Variants in UBAP2L observed in about 807,000 individuals in gnomAD.
UBAP2L encodes ubiquitin associated protein 2 like.
A neutral mutation model predicts 130.6 loss-of-function variants in UBAP2L; 12 were observed. The observed-to-expected ratio is 0.09, with a 90% CI of 0.06 to 0.15. The LOEUF (loss-of-function observed/expected upper bound fraction) is 0.15. Among genes scored for constraint, UBAP2L ranks in the 10% least tolerant of loss-of-function variants. The probability of loss-of-function intolerance (pLI) is 1.00; values close to 1 mark genes in which losing one functional copy is unlikely to be tolerated. For synonymous variants in UBAP2L, 503 were observed against 524.7 expected (o/e 0.96, Z 0.57); for missense variants, 965 against 1,332.5 (o/e 0.72, Z 4.29).
Position 154,257,092 on chromosome 1 carries a change from C to T in UBAP2L, c.2187C>T (p.Leu729=). The T allele has an allele frequency of 6.2e-7, 1 of 1,614,054 alleles. No individual in the cohort carries two copies. Among genetic ancestry groups the T allele is most frequent in the Non-Finnish European group, 8.5e-7 (1 of 1,180,036 alleles). Residue 729 remains leucine, a synonymous_variant, in exon 19 of 27, where the codon CTC becomes CTT. Transcript: ENST00000428931. The stretch of plus-strand genomic sequence containing the variant: ...CAAGTGTGGAGAGTGAGGCGAATCT[C>T]CATTCTTCCTCCAGCACTTTTTCCA... ...LHTSVESEAN[L]HSSSSTFSTT...
In UBAP2L at chr1:154,257,379, C is replaced by T; in HGVS notation, c.2387C>T (p.Pro796Leu). The change falls in exon 20 of 27, where the codon CCG (proline) becomes CTG (leucine). Residue 796 changes from proline to leucine, a missense_variant. Around this residue, in one of 9 missense-constraint regions of UBAP2L, gnomAD observed 393 missense variants for 408.1 expected, o/e 0.96. Transcript: ENST00000428931. The stretch of plus-strand genomic sequence containing the variant: ...CCTCCCAACCTCCCTCCTGGGGTCC[C>T]GCCGTTGTTGCCTAATCCGTATATT... The part of the protein sequence containing the change: ...KAPPNLPPGV[P>L]PLLPNPYIMA... 4 of 1,613,540 alleles carry T rather than the reference C, an allele frequency of 2.5e-6. No individual in the cohort carries two copies. Among genetic ancestry groups the T allele is most frequent in the Non-Finnish European group, 3.4e-6 (4 of 1,180,036 alleles).
At chr1:154,241,948 C>G (rs1013359639) in intron 9 of UBAP2L, among the ~76,000 whole-genome samples, 3 of 152,126 alleles carry the variant, frequency 2.0e-5, no homozygotes, top group Non-Finnish European at 4.4e-5. Context: ...GCTATAAGGT[C>G]CTGTAATGGA....
Position 154,246,128 on chromosome 1 carries a change from C to T in UBAP2L, c.843-76C>T, listed in dbSNP as rs538891441. ...CCCCAGCAAGTGGCTTCATTTTGAT[C>T]TAATCTGATTTGAGTGTTGGGGAAT... On this transcript the variant is annotated intron_variant, in intron 10 of 26. Coordinates refer to ENST00000428931, the MANE Select transcript of UBAP2L (RefSeq NM_014847.4). The T allele has an allele frequency of 3.4e-6, 5 of 1,485,902 alleles. No individual in the cohort carries two copies. The South Asian group carries it at 6.7e-5, about 20-fold the overall frequency. The allele number at this position is 1,485,902 out of a possible 1,614,324, so 92.0% of individuals were successfully genotyped here.
chr1:154,250,847 C>CAAAA (rs1023678670), intron 12 of UBAP2L, among the ~76,000 whole-genome samples, 194 bp from the exon 13 acceptor site: 1 of 48,954 alleles, frequency 2.0e-5, no homozygotes, highest in African/African-American at 7.0e-5. Context: ...ACTCCCATCT[C>CAAAA]AAAAAAAAAA....
intron 22 of UBAP2L, among the ~76,000 whole-genome samples, chr1:154,260,418 T>C (rs1218866330): frequency 6.6e-6 from 1 of 152,248 alleles, no homozygotes; most frequent in Non-Finnish European, 1.5e-5. Flanking sequence ...TGAGGTGGTC[T>C]TCTCTGCTCA....
Position 154,233,651 on chromosome 1 carries a change from C to CTGTGTGTGTG in UBAP2L, c.280-922_280-913dup, listed in dbSNP as rs61695071. 5.5e-4 allele frequency among the ~76,000 whole-genome samples: 81 copies of CTGTGTGTGTG among 146,174 alleles called. 2 individuals are homozygous for CTGTGTGTGTG. The highest frequency in any genetic ancestry group is 3.5e-3 in the Middle Eastern group (1 of 288). ...CAGCCTGATCTTTTAAATGAAATTGCTGTGTGTGTGTGTGTGTGTGTGTGT... is the reference window on the plus strand; with the variant it reads ...CAGCCTGATCTTTTAAATGAAATTGCTGTGTGTGTGTGTGTGTGTGTGTGTGTGTGTGTGT... On this transcript the variant is annotated intron_variant, in intron 4 of 26. Transcript: ENST00000428931.
rs754309320 is a variant in UBAP2L, at chr1:154,257,085, C to T, written c.2180C>T (p.Ala727Val). Residue 727 changes from alanine to valine, a missense_variant, in exon 19 of 27, where the codon GCG becomes GTG. Around this residue, in one of 9 missense-constraint regions of UBAP2L, gnomAD observed 393 missense variants for 408.1 expected, o/e 0.96. Transcript: ENST00000428931. ...TLLHTSVESE[A>V]NLHSSSSTFS... ...AAGCACACAAGTGTGGAGAGTGAGG[C>T]GAATCTCCATTCTTCCTCCAGCACT... is the stretch of plus-strand genomic sequence containing the variant. The T allele has an allele frequency of 2.4e-5, 39 of 1,613,652 alleles. No individual in the cohort carries two copies. Among genetic ancestry groups the T allele is most frequent in the Non-Finnish European group, 3.1e-5 (36 of 1,179,978 alleles).
rs764648216 is a variant in UBAP2L at position 154,234,611 on chromosome 1, G to T, written c.300G>T (p.Gly100=). ...TATAGCATTCCTGGGAGATGGTCGG[G>T]AAGAAGAAGGGAGTCTCAGGCCAGA... ...NPDTHSWEMV[G]KKKGVSGQKD... The change falls in exon 5 of 27, where the codon GGG becomes GGT. Residue 100 remains glycine, a synonymous_variant. Transcript: ENST00000428931. 3 of 1,614,070 alleles carry T rather than the reference G, an allele frequency of 1.9e-6. No individual in the cohort carries two copies. The South Asian group carries it at 3.3e-5, about 18-fold the overall frequency.
downstream of UBAP2L, chr1:154,271,240 A>G (rs1684668148): frequency 6.3e-6 from 2 of 315,610 alleles, no homozygotes; most frequent in Admixed American, 4.6e-5. Context: ...TGCTTTATAG[A>G]GTTTTAAGTA....
In UBAP2L at chr1:154,234,591, C is replaced by G. The variant is rs766970460; in HGVS notation, c.280C>G (p.His94Asp). The G allele has an allele frequency of 6.2e-7, 1 of 1,613,976 alleles. No individual in the cohort carries two copies. The highest frequency in any genetic ancestry group is 1.1e-5 in the South Asian group (1 of 91,058). The stretch of plus-strand genomic sequence containing the variant: ...ATATGAATGCTCTACCCTTCTATAG[C>G]ATTCCTGGGAGATGGTCGGGAAGAA... ...NVLLEGNPDT[H>D]SWEMVGKKKG... Residue 94 changes from histidine to aspartate, a missense_variant and splice_region_variant, in exon 5 of 27, where the codon CAT (histidine) becomes GAT (aspartate). By Grantham distance (81) the His-to-Asp change is moderately conservative. Coordinates refer to ENST00000428931, the MANE Select transcript of UBAP2L (RefSeq NM_014847.4).
At chr1:154,220,777 G>T (rs999335367), upstream of UBAP2L, 4 of 227,094 alleles carry the variant, frequency 1.8e-5, no homozygotes, top group Admixed American at 2.2e-4. Flanking sequence ...GAGGTGTCTC[G>T]TGGCGAGGCG....
At chr1:154,224,137 CT>C (rs1203789474) in intron 1 of UBAP2L, among the ~76,000 whole-genome samples, 1 of 152,162 alleles carries the variant, frequency 6.6e-6, no homozygotes, top group Admixed American at 6.5e-5. Flanking sequence ...AAACTATATT[CT>C]GGTTTGGGGA....
chr1:154,247,969 T>TTTA (rs1231517907), intron 11 of UBAP2L, among the ~76,000 whole-genome samples: 4 of 139,438 alleles, frequency 2.9e-5, no homozygotes, highest in Non-Finnish European at 6.4e-5. Context: ...TTTTTATTTA[T>TTTA]TTTTTATTTT....
At chr1:154,243,114 T>A (rs996262759) in intron 9 of UBAP2L, 103 bp from the exon 10 acceptor site, 2 of 910,770 alleles carry the variant, frequency 2.2e-6, no homozygotes. Context: ...TTTCTCTTTA[T>A]AGGGCTTTCA....
Position 154,253,923 on chromosome 1 carries a change from C to G in UBAP2L, c.1688C>G (p.Ser563Cys). The G allele has an allele frequency of 6.2e-7, 1 of 1,614,112 alleles. No individual in the cohort carries two copies. Among genetic ancestry groups the G allele is most frequent in the Non-Finnish European group, 8.5e-7 (1 of 1,180,024 alleles). Reference sequence around the variant, plus strand: ...AGTGAATCATCCTCTACAATTTCATCTAACCAGAGTCAGGAGTCTGGTTAT... The same window carrying G: ...AGTGAATCATCCTCTACAATTTCATGTAACCAGAGTCAGGAGTCTGGTTAT... ...TASESSSTIS[S>C]NQSQESGYQS... is the part of the protein sequence containing the mutation. The change falls in exon 15 of 27, where the codon TCT becomes TGT. Residue 563 changes from serine to cysteine, a missense_variant. By Grantham distance (112) the Ser-to-Cys change is moderately radical. Coordinates refer to ENST00000428931, the MANE Select transcript of UBAP2L (RefSeq NM_014847.4).
At chr1:154,239,272 T>A (rs1369208300) in intron 8 of UBAP2L, among the ~76,000 whole-genome samples, 2 of 152,110 alleles carry the variant, frequency 1.3e-5, no homozygotes, top group Non-Finnish European at 2.9e-5. Flanking sequence ...GGACTTGATT[T>A]CATTGGGGTT....
intron 25 of UBAP2L, among the ~76,000 whole-genome samples, chr1:154,267,315 C>T (rs891533741): frequency 2.6e-5 from 4 of 151,834 alleles, no homozygotes; most frequent in African/African-American, 9.7e-5. Context: ...ACCACCGCGC[C>T]TGCTAATTTT....
chr1:154,253,973 A>C lies in UBAP2L; in HGVS notation c.1738A>C (p.Thr580Pro). Residue 580 changes from threonine to proline, a missense_variant, in exon 15 of 27, where the codon ACC becomes CCC. Physicochemically the swap from Thr to Pro is conservative, Grantham distance 38 (BLOSUM62 -1). Coordinates refer to ENST00000428931, the MANE Select transcript of UBAP2L (RefSeq NM_014847.4). ...TCAGAGCGGCCCAATTCAGTCGACA[A>C]CCTATACCTCCCAAAATAATGCTCA... ...GYQSGPIQST[T>P]YTSQNNAQGP... The C allele has an allele frequency of 6.2e-7, 1 of 1,614,064 alleles. No homozygotes were observed. The highest frequency in any genetic ancestry group is 1.1e-5 in the South Asian group (1 of 91,076).
At chr1:154,253,779 C>A in intron 14 of UBAP2L, 121 bp from the exon 15 acceptor site, 2 of 1,008,300 alleles carry the variant, frequency 2.0e-6, no homozygotes, top group Non-Finnish European at 2.8e-6. Flanking sequence ...CTATTTGTTG[C>A]TGAAAAATTT....
Sources: gnomAD v4.1 joint callset for allele counts (sites outside exome capture counted in the v4.1 genomes callset) on GRCh38, gnomAD v4.1.1 for gene constraint, gnomAD v4.1.1 regional missense constraint, MANE v1.5 for transcripts, NCBI Gene and HGNC (gene_info 2026-07-23, HGNC 2026-07-21) for gene names.